The following ACER1 variants were observed in gnomAD, a reference collection of about 807,000 sequenced individuals.
The protein encoded by ACER1 is alkaline ceramidase 1.
In ACER1, 28 loss-of-function variants were observed where a neutral mutation model predicts 24.9. The observed-to-expected ratio is 1.13, with a 90% CI of 0.83 to 1.54. The LOEUF (loss-of-function observed/expected upper bound fraction) is 1.54, where lower values mean the gene tolerates loss of function less well. ACER1 is among the 40% of genes most tolerant of loss of function. The probability of loss-of-function intolerance (pLI) is 0.00; values close to 1 mark genes in which losing one functional copy is unlikely to be tolerated. For synonymous variants in ACER1, 132 were observed against 131.4 expected (o/e 1.00, Z -0.03); for missense variants, 352 against 349.3 (o/e 1.01, Z -0.06).
At chr19:6,332,858 G>A (rs1293047157) in intron 1 of ACER1, among the ~76,000 whole-genome samples, 1 of 151,930 alleles carries the variant, frequency 6.6e-6, no homozygotes, top group African/African-American at 2.4e-5. Context: ...TAGTAGAGAT[G>A]GGCTTTCACC....
At chr19:6,315,549 T>C (rs2091599383) in intron 1 of ACER1, among the ~76,000 whole-genome samples, 1 of 151,848 alleles carries the variant, frequency 6.6e-6, no homozygotes. Flanking sequence ...CTGGCTAATT[T>C]TTTGTATTTT....
At chr19:6,329,853 A>C (rs528628164) in intron 1 of ACER1, among the ~76,000 whole-genome samples, 8 of 150,674 alleles carry the variant, frequency 5.3e-5, no homozygotes, top group Non-Finnish European at 1.2e-4. Context: ...TTTTTATTTT[A>C]TTTTTAATTT....
chr19:6,322,754 T>G (rs765698053), intron 1 of ACER1, among the ~76,000 whole-genome samples: 1 of 152,074 alleles, frequency 6.6e-6, no homozygotes, highest in Non-Finnish European at 1.5e-5. Flanking sequence ...ATTATCGGGG[T>G]GGGTCTGTCC....
intron 1 of ACER1, among the ~76,000 whole-genome samples, chr19:6,316,652 C>T (rs1006633111): frequency 6.6e-6 from 1 of 151,816 alleles, no homozygotes; most frequent in African/African-American, 2.4e-5. Context: ...AACCTTGCCT[C>T]TACTAAAGAT....
At chr19:6,349,502 A>G in the ACER1 span, among the ~76,000 whole-genome samples, 2 of 146,764 alleles carry the variant, frequency 1.4e-5, no homozygotes, top group African/African-American at 2.5e-5. Flanking sequence ...GGAAGGAAGG[A>G]AGGAAAGAAG....
At chr19:6,319,118 T>C (rs2091617810) in intron 1 of ACER1, among the ~76,000 whole-genome samples, 1 of 151,948 alleles carries the variant, frequency 6.6e-6, no homozygotes, top group African/African-American at 2.4e-5. Context: ...TTGAAGGAGA[T>C]AATAATAATA....
At chr19:6,330,776 C>G (rs2091683261) in intron 1 of ACER1, among the ~76,000 whole-genome samples, 1 of 149,776 alleles carries the variant, frequency 6.7e-6, no homozygotes, top group Non-Finnish European at 1.5e-5. Context: ...AGAGGTGGGA[C>G]TACTGAGGAC....
chr19:6,351,798 T>C, the ACER1 span, among the ~76,000 whole-genome samples: 4 of 152,068 alleles, frequency 2.6e-5, no homozygotes, highest in African/African-American at 9.7e-5. Context: ...GGCTCATGCC[T>C]GTAATCCCAG....
At chr19:6,351,992 C>T in the ACER1 span, among the ~76,000 whole-genome samples, 1 of 146,850 alleles carries the variant, frequency 6.8e-6, no homozygotes, top group Admixed American at 6.9e-5. Flanking sequence ...GGTGGCGGAG[C>T]TTGCAGTGAG....
At chr19:6,345,868 T>C in the ACER1 span, among the ~76,000 whole-genome samples, 2 of 151,444 alleles carry the variant, frequency 1.3e-5, no homozygotes, top group African/African-American at 4.8e-5. Flanking sequence ...CCTGGCATCA[T>C]CCAGCTAATT....
At chr19:6,347,739 G>A in the ACER1 span, among the ~76,000 whole-genome samples, 12 of 152,042 alleles carry the variant, frequency 7.9e-5, no homozygotes, top group Non-Finnish European at 1.5e-5. Flanking sequence ...GGGAGGCTGA[G>A]GCAGGAGAAT....
chr19:6,336,225 C>G (rs2091713785), upstream of ACER1, among the ~76,000 whole-genome samples: 1 of 151,952 alleles, frequency 6.6e-6, no homozygotes, highest in African/African-American at 2.4e-5. Context: ...GAGACAGGGT[C>G]TTGCTCTGTT....
In ACER1 at chr19:6,333,489, G is replaced by A; in HGVS notation, c.63C>T (p.Tyr21=). The change falls in exon 1 of 6, where the codon TAC becomes TAT. Residue 21 remains tyrosine (Y), a synonymous_variant. Coordinates refer to ENST00000301452, the MANE Select transcript of ACER1 (RefSeq NM_133492.3). ...TGTAGAACTCGGCCACCAGCTCCGA[G>A]TACTGGAAGTTGCTCTCACACCAGT... ...EVDWCESNFQ[Y]SELVAEFYNT... 1.3e-6 allele frequency: 2 copies of A among 1,592,710 alleles called. No homozygotes were observed. Among genetic ancestry groups the A allele is most frequent in the East Asian group, 2.3e-5 (1 of 44,158 alleles).
chr19:6,356,546 A>G, the ACER1 span, among the ~76,000 whole-genome samples: 3 of 152,174 alleles, frequency 2.0e-5, no homozygotes, highest in East Asian at 3.8e-4. Flanking sequence ...GATACAGATT[A>G]CAACCAACAC....
chr19:6,335,261 G>C (rs1600247230), upstream of ACER1, among the ~76,000 whole-genome samples: 1 of 118,328 alleles, frequency 8.5e-6, no homozygotes, highest in African/African-American at 3.4e-5. Context: ...GCCTCACTCT[G>C]TCTCCCAGGC....
chr19:6,335,922 TAG>T (rs1334778594), upstream of ACER1, among the ~76,000 whole-genome samples: 1 of 150,946 alleles, frequency 6.6e-6, no homozygotes, highest in African/African-American at 2.4e-5. Flanking sequence ...TTTTTTGAAA[TAG>T]AGTTTCACTC....
At chr19:6,333,386 T>A in intron 1 of ACER1, 73 bp downstream of exon 1, 1 of 1,283,024 alleles carries the variant, frequency 7.8e-7, no homozygotes, top group Non-Finnish European at 1.1e-6. Flanking sequence ...GATTCCCCAG[T>A]AAGGCTGTAT....
rs1339943527 is a variant in ACER1, at chr19:6,311,118, G to A, written c.350+1031C>T. ...GGGATCCCAGCTGGGCTGAGAAGAG[G>A]GATCCCTGGGTCCGGGTGAATTTAA... On this transcript the variant is annotated intron_variant, in intron 3 of 5. Coordinates refer to ENST00000301452, the MANE Select transcript of ACER1 (RefSeq NM_133492.3). 2.0e-5 allele frequency among the ~76,000 whole-genome samples: 3 copies of A among 151,682 alleles called. No individual in the cohort carries two copies. The East Asian group carries it at 5.8e-4, about 29-fold the overall frequency.
At chr19:6,336,537 T>C (rs900018279), upstream of ACER1, among the ~76,000 whole-genome samples, 8 of 151,854 alleles carry the variant, frequency 5.3e-5, no homozygotes, top group Non-Finnish European at 1.2e-4. Flanking sequence ...AGATAAATTG[T>C]GGGCTGGGCA....
Sources: allele counts gnomAD v4.1 joint callset (sites outside exome capture counted in the v4.1 genomes callset), GRCh38; gene constraint gnomAD v4.1.1; transcripts MANE v1.5; gene names NCBI Gene and HGNC (gene_info 2026-07-23, HGNC 2026-07-21).